The following NRXN3 variants were observed in gnomAD, a reference collection of about 807,000 sequenced individuals.
The protein encoded by NRXN3 is neurexin 3.
Under a neutral mutation model 137.6 loss-of-function variants are expected in NRXN3, and 32 were observed. That is an observed-to-expected ratio of 0.23 (90% CI 0.18 to 0.31). The LOEUF is 0.31. Among genes scored for constraint, NRXN3 ranks in the 10% least tolerant of loss-of-function variants. The probability of loss-of-function intolerance (pLI) is 1.00; values close to 1 mark genes in which losing one functional copy is unlikely to be tolerated. For missense variants in NRXN3, 1,574 were observed against 2,062.5 expected, an observed-to-expected ratio of 0.76 and a Z score of 4.59; for synonymous variants, 798 against 784.5, an observed-to-expected ratio of 1.02 and a Z score of -0.29.
At chr14:79,040,213 A>T (rs2099622937) in intron 15 of NRXN3, among the ~76,000 whole-genome samples, 1 of 152,218 alleles carries the variant, frequency 6.6e-6, no homozygotes, top group African/African-American at 2.4e-5. Context: ...AAGATCAGGA[A>T]TCCTGCCTAA....
intron 4 of NRXN3, among the ~76,000 whole-genome samples, chr14:78,573,190 A>G (rs1415901826): frequency 1.3e-5 from 2 of 152,172 alleles, no homozygotes; most frequent in African/African-American, 4.8e-5. Context: ...GAGCCAGTTG[A>G]ACCACTTTTC....
intron 15 of NRXN3, among the ~76,000 whole-genome samples, chr14:79,459,614 A>C (rs1285007496): frequency 6.6e-6 from 1 of 152,054 alleles, no homozygotes; most frequent in African/African-American, 2.4e-5. Context: ...CCTGTGGTAC[A>C]TTTTACACAG....
intron 1 of NRXN3, among the ~76,000 whole-genome samples, chr14:78,191,917 G>T (rs896286612): frequency 6.6e-6 from 1 of 152,130 alleles, no homozygotes; most frequent in Non-Finnish European, 1.5e-5. Flanking sequence ...CCTGGTGAGG[G>T]GGGGAGGGTG....
intron 4 of NRXN3, among the ~76,000 whole-genome samples, chr14:78,567,279 C>CAAG (rs1328655399): frequency 6.6e-6 from 1 of 152,166 alleles, no homozygotes; most frequent in Non-Finnish European, 1.5e-5. Context: ...CATTAATGGG[C>CAAG]AAGAGTACAT....
At chr14:79,852,275 AC>A (rs1568455895) in intron 20 of NRXN3, among the ~76,000 whole-genome samples, 4 of 147,252 alleles carry the variant, frequency 2.7e-5, no homozygotes, top group Non-Finnish European at 6.0e-5. Context: ...ACACACACAC[AC>A]ACACCTCTCA....
At chr14:79,575,510 T>C (rs1250520841) in intron 16 of NRXN3, among the ~76,000 whole-genome samples, 1 of 152,166 alleles carries the variant, frequency 6.6e-6, no homozygotes, top group Non-Finnish European at 1.5e-5. Context: ...TAACAAAACA[T>C]AAAAATAACT....
intron 4 of NRXN3, among the ~76,000 whole-genome samples, chr14:78,385,659 T>C (rs1170337588): frequency 6.6e-6 from 1 of 152,182 alleles, no homozygotes; most frequent in Non-Finnish European, 1.5e-5. Flanking sequence ...CAGGAAAGGA[T>C]TCACTATTTT....
Position 78,588,388 on chromosome 14 carries a change from C to G in NRXN3, c.758-56732C>G, listed in dbSNP as rs975804627. ...ATATCATCCAATCACAAGTAAATTA[C>G]TGCTCTGTGGAATAAAAGGTAATAA... On this transcript the variant is annotated intron_variant, in intron 4 of 20. Coordinates refer to ENST00000335750, the MANE Select transcript of NRXN3 (RefSeq NM_001330195.2). Among the ~76,000 whole-genome samples the G allele has an allele frequency of 6.6e-5, 10 of 152,204 alleles. 1 individual carries two copies. Among genetic ancestry groups the G allele is most frequent in the Admixed American group, 3.9e-4 (6 of 15,278 alleles).
At chr14:79,719,566 C>G (rs1461341739) in intron 19 of NRXN3, among the ~76,000 whole-genome samples, 2 of 151,970 alleles carry the variant, frequency 1.3e-5, no homozygotes, top group Non-Finnish European at 2.9e-5. Flanking sequence ...ATTTTATACT[C>G]TCACTGATTT....
chr14:79,422,348 C>A (rs1350471194), intron 15 of NRXN3, among the ~76,000 whole-genome samples: 1 of 152,112 alleles, frequency 6.6e-6, no homozygotes, highest in Non-Finnish European at 1.5e-5. Flanking sequence ...CAGGCATGAG[C>A]CACCAGGCCC....
chr14:79,140,370 C>T (rs993705219), intron 15 of NRXN3, among the ~76,000 whole-genome samples: 4 of 152,060 alleles, frequency 2.6e-5, no homozygotes, highest in Non-Finnish European at 4.4e-5. Context: ...GAAAACATGG[C>T]CTTTTTCTTG....
At chr14:79,779,599 A>C (rs2099107711) in intron 19 of NRXN3, among the ~76,000 whole-genome samples, 1 of 152,128 alleles carries the variant, frequency 6.6e-6, no homozygotes. Context: ...CATGATCAAA[A>C]AACTTTTCTC....
chr14:79,714,124 T>C (rs754537034), intron 19 of NRXN3, among the ~76,000 whole-genome samples: 7 of 152,126 alleles, frequency 4.6e-5, no homozygotes, highest in Non-Finnish European at 1.0e-4. Flanking sequence ...AGAGAAACAA[T>C]ATATTGTAAG....
rs201985358 is a variant in NRXN3 at position 79,388,866 on chromosome 14, T to C, written c.3263-78355T>C. Among the ~76,000 whole-genome samples, 118 of 152,260 alleles carry C rather than the reference T, an allele frequency of 7.7e-4. 1 individual carries two copies. The East Asian group carries it at 0.015, about 19-fold the overall frequency. On this transcript the variant is annotated intron_variant, in intron 15 of 20. Coordinates refer to ENST00000335750, the MANE Select transcript of NRXN3 (RefSeq NM_001330195.2). ...ATTGAATCATGGAGATGGGAATTCA[T>C]GTTCTGTTGTCATGATAGTAAGTCT...
At chr14:79,852,280 CCT>C (rs1481705639) in intron 20 of NRXN3, among the ~76,000 whole-genome samples, 3 of 146,534 alleles carry the variant, frequency 2.0e-5, no homozygotes, top group Non-Finnish European at 3.0e-5. Flanking sequence ...CACACACACA[CCT>C]CTCACATGCT....
chr14:78,807,852 A>G (rs537233950), intron 9 of NRXN3, among the ~76,000 whole-genome samples: 2 of 152,224 alleles, frequency 1.3e-5, no homozygotes, highest in East Asian at 3.9e-4. Context: ...ACACACAGAT[A>G]TGAACACATA....
rs145977651 is a variant in NRXN3, at chr14:79,514,671, A to G, written c.3444+47269A>G. ...ATCAGGAGTGATTACGTGCATCACAACTTTCAGGTTAAATAATTTTATCAT... is the reference window on the plus strand; with the variant it reads ...ATCAGGAGTGATTACGTGCATCACAGCTTTCAGGTTAAATAATTTTATCAT... On this transcript the variant is annotated intron_variant, in intron 16 of 20. Transcript: ENST00000335750. Among the ~76,000 whole-genome samples, 159 of 152,272 alleles carry G rather than the reference A, an allele frequency of 1.0e-3. 1 individual carries two copies. Among genetic ancestry groups the G allele is most frequent in the African/African-American group, 3.7e-3 (153 of 41,560 alleles).
At chr14:78,788,330 C>T (rs1185115545) in intron 8 of NRXN3, among the ~76,000 whole-genome samples, 2 of 152,132 alleles carry the variant, frequency 1.3e-5, no homozygotes, top group Non-Finnish European at 2.9e-5. Context: ...TCAGTGTTTT[C>T]CTTTGTGCTG....
intron 16 of NRXN3, among the ~76,000 whole-genome samples, chr14:79,661,133 C>T (rs939024311): frequency 1.3e-4 from 20 of 152,112 alleles, no homozygotes; most frequent in African/African-American, 4.8e-4. Flanking sequence ...TTTATATATG[C>T]ATGCATATTT....
Sources: allele counts gnomAD v4.1 joint callset (sites outside exome capture counted in the v4.1 genomes callset), GRCh38; gene constraint gnomAD v4.1.1; transcripts MANE v1.5; gene names NCBI Gene and HGNC (gene_info 2026-07-23, HGNC 2026-07-21).